CDH8: variants seen among roughly 807,000 people sequenced by gnomAD.
CDH8 encodes cadherin 8.
Under a neutral mutation model 68.1 loss-of-function variants are expected in CDH8, and 17 were observed. That is an observed-to-expected ratio of 0.25 (90% CI 0.17 to 0.37). The LOEUF is 0.37. CDH8 is among the 10% of genes least tolerant of loss of function. CDH8 has a pLI of 1.00. For missense variants in CDH8, 763 were observed against 999.3 expected (o/e 0.76, Z 3.19); for synonymous variants, 372 against 365.1 (o/e 1.02, Z -0.21).
chr16:62,000,895 A>G (rs1317559919), intron 2 of CDH8, among the ~76,000 whole-genome samples: 1 of 152,240 alleles, frequency 6.6e-6, no homozygotes, highest in African/African-American at 2.4e-5. Context: ...TACTTTATTA[A>G]TGAATAATAA....
intron 8 of CDH8, among the ~76,000 whole-genome samples, chr16:61,765,614 C>T (rs1960570902): frequency 6.6e-6 from 1 of 151,960 alleles, no homozygotes; most frequent in South Asian, 2.1e-4. Context: ...AGTATTTTCT[C>T]CCCTCTGGGC....
intron 2 of CDH8, among the ~76,000 whole-genome samples, chr16:62,011,051 T>A (rs944745822): frequency 1.3e-5 from 2 of 151,184 alleles, no homozygotes; most frequent in East Asian, 3.9e-4. Flanking sequence ...AATAAATAAA[T>A]GTATGCAACC....
chr16:61,700,443 G>A (rs1397836370), intron 10 of CDH8, among the ~76,000 whole-genome samples: 2 of 151,860 alleles, frequency 1.3e-5, no homozygotes, highest in Admixed American at 6.6e-5. Context: ...ACAACGCCCA[G>A]GTAATTTTTG....
At chr16:61,794,058 GATT>G (rs777348253) in intron 7 of CDH8, among the ~76,000 whole-genome samples, 24 of 152,134 alleles carry the variant, frequency 1.6e-4, no homozygotes, top group Admixed American at 2.0e-4. Context: ...AAGTAAACAT[GATT>G]TATTGAATAA....
chr16:61,769,774 A>G (rs1362865391), intron 8 of CDH8, among the ~76,000 whole-genome samples: 1 of 151,978 alleles, frequency 6.6e-6, no homozygotes, highest in Non-Finnish European at 1.5e-5. Flanking sequence ...AAGTCACAGT[A>G]AGCCAAACTT....
chr16:61,732,790 T>G (rs978973700), intron 8 of CDH8, among the ~76,000 whole-genome samples: 4 of 151,990 alleles, frequency 2.6e-5, no homozygotes, highest in African/African-American at 9.6e-5. Context: ...TAAAACTCTA[T>G]GTATCTATTT....
intron 2 of CDH8, among the ~76,000 whole-genome samples, chr16:61,961,554 T>C (rs1372996971): frequency 6.6e-6 from 1 of 152,138 alleles, no homozygotes; most frequent in African/African-American, 2.4e-5. Context: ...AAGAGCTTCA[T>C]AGGCTTTCAT....
intron 8 of CDH8, among the ~76,000 whole-genome samples, chr16:61,782,491 AG>A (rs1416211703): frequency 1.3e-5 from 2 of 152,072 alleles, no homozygotes; most frequent in Admixed American, 1.3e-4. Context: ...TCAAACTGCA[AG>A]GCAGCAGCGA....
At chr16:61,738,054 GT>G (rs1959752161) in intron 8 of CDH8, among the ~76,000 whole-genome samples, 1 of 152,106 alleles carries the variant, frequency 6.6e-6, no homozygotes, top group South Asian at 2.1e-4. Context: ...AAGCTTATAA[GT>G]TATAGCCTTT....
intron 9 of CDH8, among the ~76,000 whole-genome samples, chr16:61,716,292 C>T (rs890017910): frequency 1.3e-5 from 2 of 151,548 alleles, no homozygotes; most frequent in Non-Finnish European, 3.0e-5. Context: ...ATTAGCTAAG[C>T]CACCATGACC....
Position 62,023,041 on chromosome 16 carries a change from TCTC to T in CDH8, c.-199-1442_-199-1440del, listed in dbSNP as rs1902111640. 2.0e-5 allele frequency among the ~76,000 whole-genome samples: 3 copies of T among 152,192 alleles called. No individual in the cohort carries two copies. The South Asian group carries it at 6.2e-4, about 32-fold the overall frequency. ...AGAGAAAACGGAGTCCAGAACAAAG[TCTC>T]CTCCTTTCCCTGGAATTGCAGAAAA... On this transcript the variant is annotated intron_variant, in intron 1 of 11. Transcript: ENST00000577390.
At chr16:61,978,387 T>C (rs1965476719) in intron 2 of CDH8, among the ~76,000 whole-genome samples, 1 of 152,204 alleles carries the variant, frequency 6.6e-6, no homozygotes, top group African/African-American at 2.4e-5. Context: ...CCACCATTGC[T>C]GTTGCTGATA....
At chr16:61,693,390 A>C (rs774680909) in intron 10 of CDH8, 4 of 152,134 alleles carry the variant, frequency 2.6e-5, no homozygotes, top group Non-Finnish European at 4.4e-5. Flanking sequence ...CTAGAAAGAC[A>C]CATTTGAGTA....
chr16:61,690,965 T>C (rs16963835), intron 10 of CDH8, among the ~76,000 whole-genome samples: 1,537 of 152,160 alleles, frequency 0.01, 28 homozygotes, highest in African/African-American at 0.036. Flanking sequence ...GCCTCACTTT[T>C]AGATATTGAT....
intron 7 of CDH8, among the ~76,000 whole-genome samples, chr16:61,791,174 A>C (rs569572224): frequency 6.8e-4 from 103 of 152,122 alleles, no homozygotes; most frequent in African/African-American, 2.4e-3. Flanking sequence ...TTACCTGTAC[A>C]CTAGGCATTT....
intron 10 of CDH8, among the ~76,000 whole-genome samples, chr16:61,704,476 T>C (rs1045445856): frequency 2.0e-5 from 3 of 152,200 alleles, no homozygotes; most frequent in Non-Finnish European, 4.4e-5. Context: ...ATCCAATATT[T>C]TAATATGGAA....
At chr16:61,899,406 T>C (rs1262170912) in intron 3 of CDH8, among the ~76,000 whole-genome samples, 3 of 152,046 alleles carry the variant, frequency 2.0e-5, no homozygotes, top group African/African-American at 7.2e-5. Context: ...GGGCAAGGCA[T>C]ATGATTTTAC....
intron 10 of CDH8, among the ~76,000 whole-genome samples, chr16:61,659,162 G>T (rs62049433): frequency 0.13 from 19,117 of 152,150 alleles, 1,285 homozygotes; most frequent in African/African-American, 0.16. Flanking sequence ...CTCTACAGAT[G>T]TGCTTTCCAG....
At chr16:61,897,766 T>G (rs1963895189) in intron 3 of CDH8, among the ~76,000 whole-genome samples, 1 of 152,188 alleles carries the variant, frequency 6.6e-6, no homozygotes, top group Admixed American at 6.5e-5. Flanking sequence ...AAGGATGAAT[T>G]AGAGAGTTCT....
Sources: gnomAD v4.1 joint callset for allele counts (sites outside exome capture counted in the v4.1 genomes callset) on GRCh38, gnomAD v4.1.1 for gene constraint, MANE v1.5 for transcripts, NCBI Gene and HGNC (gene_info 2026-07-23, HGNC 2026-07-21) for gene names.